The following SLC16A12 variants were observed in gnomAD, a reference collection of about 807,000 sequenced individuals.
The protein encoded by SLC16A12 is monocarboxylate transporter 12.
A neutral mutation model predicts 42.4 loss-of-function variants in SLC16A12; 17 were observed. The observed-to-expected ratio is 0.40, with a 90% confidence interval of 0.27 to 0.60. The LOEUF (loss-of-function observed/expected upper bound fraction) is 0.60, where lower values mean the gene tolerates loss of function less well. Among genes scored for constraint, SLC16A12 ranks in the 20% least tolerant of loss-of-function variants. The pLI is 0.42. For synonymous variants in SLC16A12, 224 were observed against 229.4 expected (o/e 0.98, Z 0.21); for missense variants, 544 against 623.0 (o/e 0.87, Z 1.35).
intron 2 of SLC16A12, among the ~76,000 whole-genome samples, chr10:89,542,734 C>T (rs934922976): frequency 6.6e-6 from 1 of 152,204 alleles, no homozygotes; most frequent in Non-Finnish European, 1.5e-5. Flanking sequence ...CCCAACTATA[C>T]AGCTAATTTC....
chr10:89,520,888 T>C (rs773619971), intron 2 of SLC16A12, among the ~76,000 whole-genome samples: 1 of 152,114 alleles, frequency 6.6e-6, no homozygotes, highest in Non-Finnish European at 1.5e-5. Flanking sequence ...ATGTATTTAG[T>C]GGGTAATAAA....
chr10:89,430,405 C>A lies in SLC16A12; in HGVS notation c.*2659G>T. ...AATCTGAACAAAAAGCCCAATCATACAGTGTATCTACAAAGTTAGATAATG... is the reference window on the plus strand; with the variant it reads ...AATCTGAACAAAAAGCCCAATCATAAAGTGTATCTACAAAGTTAGATAATG... On this transcript the variant is annotated 3_prime_UTR_variant, in exon 8 of 8. Transcript: ENST00000371790. 1 of 253,924 alleles carries A rather than the reference C, an allele frequency of 3.9e-6. No homozygotes were observed. Among genetic ancestry groups the A allele is most frequent in the South Asian group, 4.2e-5 (1 of 24,050 alleles). 15.7% of individuals were successfully genotyped at this position (253,924 alleles called of 1,614,324 possible).
Position 89,469,333 on chromosome 10 carries a change from A to C in SLC16A12, c.-46-6709T>G, listed in dbSNP as rs145489174. 1.2e-4 allele frequency among the ~76,000 whole-genome samples: 19 copies of C among 152,306 alleles called. No homozygotes were observed. In the East Asian group the frequency reaches 3.7e-3, roughly 29 times the overall value. On this transcript the variant is annotated intron_variant, in intron 2 of 7. Transcript: ENST00000371790. ...CAGTGCAAGTTGGGATATATTCTCAATTTCACTTTATCCTCTTTACTTTAG... is the reference window on the plus strand; with the variant it reads ...CAGTGCAAGTTGGGATATATTCTCACTTTCACTTTATCCTCTTTACTTTAG...
intron 3 of SLC16A12, among the ~76,000 whole-genome samples, chr10:89,453,008 G>T (rs993844735): frequency 6.6e-6 from 1 of 152,190 alleles, no homozygotes; most frequent in African/African-American, 2.4e-5. Flanking sequence ...GCACATCTCT[G>T]TGTTCACCGC....
At chr10:89,476,987 C>T (rs1275218995) in intron 2 of SLC16A12, among the ~76,000 whole-genome samples, 1 of 152,202 alleles carries the variant, frequency 6.6e-6, no homozygotes, top group African/African-American at 2.4e-5. Context: ...CAGCAGGTCA[C>T]ACAAAGGACA....
intron 2 of SLC16A12, among the ~76,000 whole-genome samples, chr10:89,478,861 A>T (rs774412339): frequency 1.3e-5 from 2 of 152,186 alleles, no homozygotes; most frequent in Non-Finnish European, 2.9e-5. Context: ...GCTTTGAGTC[A>T]TTTTGACTCT....
chr10:89,553,526 A>G (rs1286228872), intron 2 of SLC16A12, among the ~76,000 whole-genome samples: 1 of 152,218 alleles, frequency 6.6e-6, no homozygotes, highest in Non-Finnish European at 1.5e-5. Flanking sequence ...CACATTTTGT[A>G]GCTACTTGAT....
Position 89,518,567 on chromosome 10 carries a change from A to G in SLC16A12, c.-47+15934T>C, listed in dbSNP as rs963222066. ...TATTCCCTTCTCTAGAGCCTGGATTATTTTCGAGGTGATTTAAAAAATTCA... is the reference window on the plus strand; with the variant it reads ...TATTCCCTTCTCTAGAGCCTGGATTGTTTTCGAGGTGATTTAAAAAATTCA... On this transcript the variant is annotated intron_variant, in intron 2 of 7. Coordinates refer to ENST00000371790, the MANE Select transcript of SLC16A12 (RefSeq NM_213606.4). Among the ~76,000 whole-genome samples, 4 of 152,210 alleles carry G rather than the reference A, an allele frequency of 2.6e-5. 1 individual carries two copies. The highest frequency in any genetic ancestry group is 2.6e-4 in the Admixed American group (4 of 15,282).
intron 2 of SLC16A12, among the ~76,000 whole-genome samples, chr10:89,504,558 T>A (rs2133827188): frequency 6.6e-6 from 1 of 152,320 alleles, no homozygotes; most frequent in African/African-American, 2.4e-5. Context: ...GGAACCATTA[T>A]TGCTTTTGAT....
At chr10:89,503,160 CAG>C (rs1425206604) in intron 2 of SLC16A12, among the ~76,000 whole-genome samples, 2 of 152,220 alleles carry the variant, frequency 1.3e-5, no homozygotes, top group African/African-American at 2.4e-5. Flanking sequence ...GTAAACACAT[CAG>C]AGTCACTTAT....
intron 3 of SLC16A12, among the ~76,000 whole-genome samples, chr10:89,448,080 A>T (rs909877650): frequency 6.6e-6 from 1 of 152,238 alleles, no homozygotes; most frequent in African/African-American, 2.4e-5. Context: ...ATCCCTGAAT[A>T]GACCAATAAC....
intron 2 of SLC16A12, among the ~76,000 whole-genome samples, chr10:89,473,150 C>T (rs1449930047): frequency 6.7e-6 from 1 of 150,024 alleles, no homozygotes; most frequent in Non-Finnish European, 1.5e-5. Flanking sequence ...TTAATGGAAA[C>T]TGACAAGCTG....
At chr10:89,536,237 C>T (rs1033540741), upstream of SLC16A12, among the ~76,000 whole-genome samples, 6 of 152,144 alleles carry the variant, frequency 3.9e-5, no homozygotes, top group African/African-American at 1.4e-4. Context: ...ACAAGGCCTC[C>T]TTTAGGTGTA....
Position 89,544,432 on chromosome 10 carries a change from G to A in SLC16A12, c.-47+11450C>T, listed in dbSNP as rs113409461. Among the ~76,000 whole-genome samples the A allele has an allele frequency of 2.6e-3, 397 of 152,202 alleles. 1 individual carries two copies. The highest frequency in any genetic ancestry group is 6.6e-3 in the African/African-American group (276 of 41,544). On this transcript the variant is annotated intron_variant, in intron 2 of 2. Transcript: ENST00000475682. Reference sequence around the variant, plus strand: ...TTTTTGGATCCCATTGGATCAGTTCGATCTACTGGTTTTAATAATGTTGAA... The same window carrying A: ...TTTTTGGATCCCATTGGATCAGTTCAATCTACTGGTTTTAATAATGTTGAA...
chr10:89,433,068 G>A lies in SLC16A12; in HGVS notation c.1547C>T (p.Thr516Ile). The A allele has an allele frequency of 6.2e-7, 1 of 1,614,144 alleles. No individual in the cohort carries two copies. The highest frequency in any genetic ancestry group is 8.5e-7 in the Non-Finnish European group (1 of 1,180,008). ...TCTGGGGCTCAAGGCCTTTGGTCAT[G>A]TGAGGCTGTAGCCAGGCACTGCTGT... ...VATAVPGYSLT is the reference protein window; with the variant it reads ...VATAVPGYSLI The change falls in exon 8 of 8, where the codon ACA becomes ATA. Residue 516 changes from threonine (T) to isoleucine (I), a missense_variant. Physicochemically the swap from Thr to Ile is moderately conservative, Grantham distance 89. Transcript: ENST00000371790.
chr10:89,476,414 C>T (rs60511519), intron 2 of SLC16A12, among the ~76,000 whole-genome samples: 1,559 of 152,232 alleles, frequency 0.01, 25 homozygotes, highest in African/African-American at 0.035. Context: ...TCATGGAGTA[C>T]TACGGAGAAC....
At chr10:89,531,001 T>A (rs999290728) in intron 2 of SLC16A12, among the ~76,000 whole-genome samples, 3 of 152,152 alleles carry the variant, frequency 2.0e-5, no homozygotes, top group Admixed American at 1.3e-4. Context: ...GTTGATATAT[T>A]TTTTTTAACA....
chr10:89,492,890 T>G (rs140043383), intron 2 of SLC16A12, among the ~76,000 whole-genome samples: 144 of 152,240 alleles, frequency 9.5e-4, no homozygotes, highest in African/African-American at 3.1e-3. Context: ...TTCAAGCGTC[T>G]TGAACCTATC....
chr10:89,458,459 T>G (rs1329076745), intron 3 of SLC16A12, among the ~76,000 whole-genome samples: 1 of 152,206 alleles, frequency 6.6e-6, no homozygotes, highest in Non-Finnish European at 1.5e-5. Context: ...ACAGAGGACT[T>G]AAGAGTTAAG....
Sources: allele counts gnomAD v4.1 joint callset (sites outside exome capture counted in the v4.1 genomes callset), GRCh38; gene constraint gnomAD v4.1.1; transcripts MANE v1.5; gene names NCBI Gene and HGNC (gene_info 2026-07-23, HGNC 2026-07-21).